The following CNBD2 variants were observed in gnomAD, a reference collection of about 807,000 sequenced individuals.
CNBD2 encodes the protein cyclic nucleotide-binding domain-containing protein 2.
CNBD2 carries 64 observed loss-of-function variants against 63.7 expected under a neutral mutation model. The ratio of observed to expected loss-of-function variants is 1.00; its 90% CI spans 0.82 to 1.24. The LOEUF is 1.24. Ranked by LOEUF, CNBD2 falls within the 50% of genes most tolerant of loss-of-function variation. CNBD2 has a pLI of 0.00. For missense variants in CNBD2, 691 were observed against 713.5 expected (o/e 0.97, Z 0.36); for synonymous variants, 229 against 255.4 (o/e 0.90, Z 0.99).
At chr20:35,993,788 A>G (rs1008083336) in intron 7 of CNBD2, among the ~76,000 whole-genome samples, 1 of 152,096 alleles carries the variant, frequency 6.6e-6, no homozygotes, top group Non-Finnish European at 1.5e-5. Flanking sequence ...ATTTATAAAA[A>G]AATTATAAGA....
At chr20:35,994,169 G>A (rs1266440424) in intron 7 of CNBD2, among the ~76,000 whole-genome samples, 4 of 152,058 alleles carry the variant, frequency 2.6e-5, no homozygotes, top group Admixed American at 1.3e-4. Context: ...GGGTTCAAGC[G>A]ATTCTCCTGC....
upstream of CNBD2, chr20:35,954,487 T>A (rs1431041964): frequency 1.3e-6 from 2 of 1,543,158 alleles, no homozygotes; most frequent in Non-Finnish European, 1.7e-6. Flanking sequence ...GAAGCGAAAG[T>A]CTCTGGCTTC....
At chr20:36,020,742 A>C (rs6058393) in intron 10 of CNBD2, among the ~76,000 whole-genome samples, 44,422 of 151,986 alleles carry the variant, frequency 0.29, 8,396 homozygotes, top group African/African-American at 0.53. Flanking sequence ...TCTGGTTTCT[A>C]TGCAAGTCCT....
intron 10 of CNBD2, among the ~76,000 whole-genome samples, chr20:36,022,217 T>TTTTTTTTTTTTTTTTTTTTTTTTTG (rs561441076): frequency 1.9e-5 from 2 of 107,118 alleles, no homozygotes; most frequent in African/African-American, 9.9e-5. Context: ...TTTTTTTTTT[T>TTTTTTTTTTTTTTTTTTTTTTTTTG]GAGATGGAGT....
intron 11 of CNBD2, among the ~76,000 whole-genome samples, chr20:36,028,659 G>A (rs2057308516): frequency 1.3e-5 from 2 of 151,886 alleles, no homozygotes; most frequent in East Asian, 1.9e-4. Flanking sequence ...GGATTGCCCA[G>A]GAGGGCTTAA....
chr20:36,021,468 C>T (rs934288113), intron 10 of CNBD2, among the ~76,000 whole-genome samples: 21 of 152,166 alleles, frequency 1.4e-4, no homozygotes, highest in African/African-American at 4.8e-4. Flanking sequence ...GAACTGTATG[C>T]TTAAAAATGG....
chr20:35,960,272 A>G (rs1323765964), downstream of CNBD2, among the ~76,000 whole-genome samples: 3 of 150,824 alleles, frequency 2.0e-5, no homozygotes, highest in Non-Finnish European at 4.4e-5. Context: ...TAGCCAGGGT[A>G]GAATCCAGGG....
At chr20:35,972,510 C>G (rs2056434193) in intron 1 of CNBD2, 119 bp from the exon 2 acceptor site, 1 of 955,972 alleles carries the variant, frequency 1.0e-6, no homozygotes, top group East Asian at 2.4e-5. Flanking sequence ...CTCCAGCACA[C>G]TACAGCACAC....
intron 8 of CNBD2, among the ~76,000 whole-genome samples, chr20:36,001,403 G>C (rs1334468138): frequency 6.6e-6 from 1 of 150,950 alleles, no homozygotes; most frequent in Non-Finnish European, 1.5e-5. Context: ...AGGGCGGCTG[G>C]CCGGGCAGAG....
In CNBD2 at chr20:35,968,821, G is replaced by A. The variant is rs1428319263; in HGVS notation, c.51+8G>A. The A allele has an allele frequency of 6.2e-7, 1 of 1,603,960 alleles. No homozygotes were observed. Among genetic ancestry groups the A allele is most frequent in the East Asian group, 2.2e-5 (1 of 44,754 alleles). On this transcript the variant is annotated splice_region_variant and intron_variant, in intron 1 of 11. Coordinates refer to ENST00000373973, the MANE Select transcript of CNBD2 (RefSeq NM_001365709.1). Reference sequence around the variant, plus strand: ...CTCCTGAAGAAGGAACTGGTGAGGAGGGGCAAGGGCCCTGGGAGGGAAGAG... The same window carrying A: ...CTCCTGAAGAAGGAACTGGTGAGGAAGGGCAAGGGCCCTGGGAGGGAAGAG...
chr20:36,002,778 G>T (rs182491124), intron 8 of CNBD2, among the ~76,000 whole-genome samples: 2 of 151,790 alleles, frequency 1.3e-5, no homozygotes, highest in African/African-American at 4.8e-5. Context: ...GGGATTCCTG[G>T]GTTTGTATTT....
chr20:36,003,045 C>T lies in CNBD2; in HGVS notation c.971-5252C>T, dbSNP rs544016818. 2.0e-5 allele frequency among the ~76,000 whole-genome samples: 3 copies of T among 151,652 alleles called. No individual in the cohort carries two copies. The South Asian group carries it at 6.2e-4, about 32-fold the overall frequency. On this transcript the variant is annotated intron_variant, in intron 8 of 11. Coordinates refer to ENST00000373973, the MANE Select transcript of CNBD2 (RefSeq NM_001365709.1). Reference sequence around the variant, plus strand: ...TTGCTATGTCTTCAAGTTTTCTAATCCTCCTTCTGCATTGTCTAATCTGCT... The same window carrying T: ...TTGCTATGTCTTCAAGTTTTCTAATTCTCCTTCTGCATTGTCTAATCTGCT...
In CNBD2 at chr20:35,983,951, A is replaced by G. The variant is rs189824435; in HGVS notation, c.408-31A>G. The G allele has an allele frequency of 4.7e-3, 7,665 of 1,613,874 alleles. 32 individuals are homozygous for G. The highest frequency in any genetic ancestry group is 5.6e-3 in the Non-Finnish European group (6,656 of 1,179,824). On this transcript the variant is annotated intron_variant, in intron 4 of 11. Transcript: ENST00000373973. ...AGCTTGGACCTGCCCCCATGTCACT[A>G]CCCAATCAACTAGCAGTGGTCTTTT...
chr20:36,021,829 C>T (rs1028904064), intron 10 of CNBD2, among the ~76,000 whole-genome samples: 3 of 152,104 alleles, frequency 2.0e-5, no homozygotes, highest in African/African-American at 7.2e-5. Flanking sequence ...CTTCCATCTC[C>T]CTTCCAGATA....
At position 36,023,683 on chromosome 20, in the gene CNBD2, C is replaced by T. The variant is rs151169935; in HGVS notation, c.1351C>T (p.Arg451Trp). ...GATGAGCCTGGGAAATGAGTTGATA[C>T]GGATAAGGAAGGAAATATTTTATGA... ...ILMSLGNELIRIRKEIFYELI... is the reference protein window; with the variant it reads ...ILMSLGNELIWIRKEIFYELI... Residue 451 changes from arginine to tryptophan, a missense_variant, in exon 11 of 12, where the codon CGG becomes TGG. Transcript: ENST00000373973. 1,222 of 1,613,032 alleles carry T rather than the reference C, an allele frequency of 7.6e-4. No individual in the cohort carries two copies. The highest frequency in any genetic ancestry group is 9.6e-4 in the Non-Finnish European group (1,133 of 1,179,594).
intron 8 of CNBD2, among the ~76,000 whole-genome samples, chr20:35,996,687 T>C (rs1257395991): frequency 2.0e-5 from 3 of 152,086 alleles, no homozygotes; most frequent in South Asian, 4.1e-4. Flanking sequence ...TTTGTTTTTT[T>C]AGTACAGATG....
intron 10 of CNBD2, among the ~76,000 whole-genome samples, chr20:36,014,416 G>A (rs1425395804): frequency 7.2e-6 from 1 of 138,540 alleles, no homozygotes; most frequent in East Asian, 2.3e-4. Flanking sequence ...TGTGACCTCT[G>A]CCTCCTGGGT....
chr20:35,980,544 T>C lies in CNBD2; in HGVS notation c.329T>C (p.Ile110Thr). 6.2e-7 allele frequency: 1 copy of C among 1,614,174 alleles called. No individual in the cohort carries two copies. The highest frequency in any genetic ancestry group is 8.5e-7 in the Non-Finnish European group (1 of 1,180,020). Residue 110 changes from isoleucine (I) to threonine (T), a missense_variant, in exon 4 of 12, where the codon ATC becomes ACC. Physicochemically the swap from Ile to Thr is moderately conservative, Grantham distance 89. Transcript: ENST00000373973. Reference sequence around the variant, plus strand: ...GATGAGATCCAGGCCGTCTGTAACATCTTGCAGGTTCTGGATAGCTATCGG... The same window carrying C: ...GATGAGATCCAGGCCGTCTGTAACACCTTGCAGGTTCTGGATAGCTATCGG... ...TEDEIQAVCN[I>T]LQVLDSYRNY...
Position 35,972,669 on chromosome 20 carries a change from G to A in CNBD2, c.92G>A (p.Arg31Gln), listed in dbSNP as rs775259968. The change falls in exon 2 of 12, where the codon CGA (arginine) becomes CAA (glutamine). Residue 31 changes from arginine to glutamine, a missense_variant. Transcript: ENST00000373973. ...GCCATGGATATCATCATAATGATCCGAGTGTGTAAAATGTTCCGCCAAGGC... is the reference window on the plus strand; with the variant it reads ...GCCATGGATATCATCATAATGATCCAAGTGTGTAAAATGTTCCGCCAAGGC... ...QLAMDIIIMI[R>Q]VCKMFRQGLR... The A allele has an allele frequency of 1.3e-5, 21 of 1,613,974 alleles. No homozygotes were observed. Among genetic ancestry groups the A allele is most frequent in the South Asian group, 5.5e-5 (5 of 91,060 alleles).
Sources: gnomAD v4.1 joint callset for allele counts (sites outside exome capture counted in the v4.1 genomes callset) on GRCh38, gnomAD v4.1.1 for gene constraint, MANE v1.5 for transcripts, NCBI Gene and HGNC (gene_info 2026-07-23, HGNC 2026-07-21) for gene names.